LCP2: variants seen among roughly 807,000 people sequenced by gnomAD.
LCP2 encodes lymphocyte cytosolic protein 2, also known as 76 kDa tyrosine phosphoprotein.
Under a neutral mutation model 74.5 loss-of-function variants are expected in LCP2, and 29 were observed. The observed-to-expected ratio is 0.39, with a 90% CI of 0.29 to 0.53. LCP2 has a LOEUF of 0.53. Among genes scored for constraint, LCP2 ranks in the 20% least tolerant of loss-of-function variants. The probability of loss-of-function intolerance (pLI) is 0.72; values close to 1 mark genes in which losing one functional copy is unlikely to be tolerated. For synonymous variants in LCP2, 228 were observed against 229.5 expected, an observed-to-expected ratio of 0.99 and a Z score of 0.06; for missense variants, 604 against 634.6, an observed-to-expected ratio of 0.95 and a Z score of 0.52.
In LCP2 at chr5:170,267,369, C is replaced by T. The variant is rs370393429; in HGVS notation, c.622-294G>A. The T allele has an allele frequency of 6.2e-6, 3 of 486,520 alleles. No individual in the cohort carries two copies. In the East Asian group the frequency reaches 1.1e-4, roughly 18 times the overall value. The allele number at this position is 486,520 out of a possible 1,614,324, so 30.1% of individuals were successfully genotyped here. A position where few individuals can be genotyped will look rare whatever the true frequency, so the allele number is the denominator to read the frequency against. On this transcript the variant is annotated intron_variant, in intron 8 of 20. Transcript: ENST00000046794. ...CTCGTTAATGTCCTGCGAGGCCCTG[C>T]CTGAGCTGGCCCATGTCTGCCCTCT...
chr5:170,279,998 G>A (rs1027578889), intron 3 of LCP2, among the ~76,000 whole-genome samples: 2 of 152,122 alleles, frequency 1.3e-5, no homozygotes, highest in African/African-American at 2.4e-5. Context: ...GGAAGGGGAA[G>A]GGGTATAGAA....
At chr5:170,266,755 A>G in intron 10 of LCP2, 53 bp downstream of exon 10, 2 of 1,462,588 alleles carry the variant, frequency 1.4e-6, no homozygotes, top group South Asian at 2.3e-5. Context: ...TGCAGGAAGC[A>G]CTTTATAACA....
intron 3 of LCP2, among the ~76,000 whole-genome samples, chr5:170,284,329 C>T (rs551481611): frequency 7.0e-4 from 107 of 152,218 alleles, no homozygotes; most frequent in African/African-American, 2.3e-3. Context: ...GTCTTTATTT[C>T]GTCTTCATTT....
intron 10 of LCP2, among the ~76,000 whole-genome samples, chr5:170,263,918 A>C (rs1006255371): frequency 2.6e-5 from 4 of 152,252 alleles, no homozygotes; most frequent in African/African-American, 9.6e-5. Flanking sequence ...AAAGTTGGTC[A>C]TACAAATTGG....
chr5:170,290,325 C>T (rs1439735978), intron 2 of LCP2, among the ~76,000 whole-genome samples: 1 of 152,176 alleles, frequency 6.6e-6, no homozygotes, highest in Non-Finnish European at 1.5e-5. Context: ...CCAATACCCA[C>T]TCTCCCTTTG....
chr5:170,250,958 C>T, intron 19 of LCP2, 73 bp from the exon 20 acceptor site: 2 of 1,238,662 alleles, frequency 1.6e-6, no homozygotes, highest in Admixed American at 2.1e-5. Flanking sequence ...GAGTAGTAGA[C>T]AAGCCTCTAG....
chr5:170,284,810 G>A (rs1762156487), intron 3 of LCP2, among the ~76,000 whole-genome samples: 2 of 150,786 alleles, frequency 1.3e-5, no homozygotes, highest in South Asian at 4.2e-4. Flanking sequence ...GAGTACAGTG[G>A]TGCCATCTCA....
In LCP2 at chr5:170,295,171, C is replaced by G. The variant is rs73800607; in HGVS notation, c.79-1799G>C. Among the ~76,000 whole-genome samples the G allele has an allele frequency of 9.1e-3, 1,393 of 152,326 alleles. 25 individuals are homozygous for G. The highest frequency in any genetic ancestry group is 0.032 in the African/African-American group (1,315 of 41,568). On this transcript the variant is annotated intron_variant, in intron 1 of 20. Coordinates refer to ENST00000046794, the MANE Select transcript of LCP2 (RefSeq NM_005565.5). ...CTCCACTGCACGACCCAAGGATGTT[C>G]TCCTGCAAGTCAAAAGGAATTGGAG...
chr5:170,266,825 C>G lies in LCP2; in HGVS notation c.755G>C (p.Arg252Thr). 1 of 1,613,748 alleles carries G rather than the reference C, an allele frequency of 6.2e-7. No homozygotes were observed. Among genetic ancestry groups the G allele is most frequent in the South Asian group, 1.1e-5 (1 of 91,070 alleles). ...ATACCCACCTAGTGTGAAGGGTTCTCTATCAAACGGAGCTAATGAACGATC... is the reference window on the plus strand; with the variant it reads ...ATACCCACCTAGTGTGAAGGGTTCTGTATCAAACGGAGCTAATGAACGATC... ...PLDRSLAPFD[R>T]EPFTLGKKPP... The change falls in exon 10 of 21, where the codon AGA (arginine) becomes ACA (threonine). Residue 252 changes from arginine (R) to threonine (T), a missense_variant. Transcript: ENST00000046794.
At chr5:170,265,848 G>A (rs1044520153) in intron 10 of LCP2, among the ~76,000 whole-genome samples, 1 of 152,320 alleles carries the variant, frequency 6.6e-6, no homozygotes, top group Non-Finnish European at 1.5e-5. Context: ...TTTCCGTTCA[G>A]TTGCAGAGTT....
At chr5:170,283,879 G>C (rs1471482537) in intron 3 of LCP2, among the ~76,000 whole-genome samples, 1 of 152,118 alleles carries the variant, frequency 6.6e-6, no homozygotes, top group East Asian at 1.9e-4. Flanking sequence ...TTCCTCCCTT[G>C]TCTGCCCTGA....
Position 170,262,738 on chromosome 5 carries a change from G to A in LCP2, c.823C>T (p.Leu275Phe), listed in dbSNP as rs1185605418. Residue 275 changes from leucine (L) to phenylalanine (F), a missense_variant, in exon 13 of 21, where the codon CTC (leucine) becomes TTC (phenylalanine). Leu to Phe is a conservative substitution (Grantham distance 22, BLOSUM62 0). Transcript: ENST00000046794. ...TGAATCTTGGGTAAATGCTCCCCGA[G>A]TGACCTGTGGAGTTCAGGAAAAGGA... ...DKPSIPAGRS[L>F]GEHLPKIQKP... 1 of 1,613,874 alleles carries A rather than the reference G, an allele frequency of 6.2e-7. No individual in the cohort carries two copies. The highest frequency in any genetic ancestry group is 2.2e-5 in the East Asian group (1 of 44,886).
At chr5:170,297,482 A>G in intron 1 of LCP2, 52 bp downstream of exon 1, 1 of 1,506,712 alleles carries the variant, frequency 6.6e-7, no homozygotes, top group Admixed American at 1.8e-5. Flanking sequence ...GCCTCAGCTC[A>G]GCCCACCAAG....
At chr5:170,251,625 TC>T (rs1295851070) in intron 19 of LCP2, 1 of 456,146 alleles carries the variant, frequency 2.2e-6, no homozygotes, top group Admixed American at 2.3e-5. Context: ...ATAATGACTT[TC>T]CTTTGTTCCT....
rs1026220650 is a variant in LCP2, at chr5:170,247,250, C to G, written c.*1447G>C. The G allele has an allele frequency of 6.6e-6, 1 of 152,140 alleles. No homozygotes were observed. Among genetic ancestry groups the G allele is most frequent in the Non-Finnish European group, 1.5e-5 (1 of 68,028 alleles). The allele number at this position is 152,140 out of a possible 1,614,324, so 9.4% of individuals were successfully genotyped here. A position where few individuals can be genotyped will look rare whatever the true frequency, so the allele number is the denominator to read the frequency against. On this transcript the variant is annotated 3_prime_UTR_variant, in exon 21 of 21. Coordinates refer to ENST00000046794, the MANE Select transcript of LCP2 (RefSeq NM_005565.5). ...TGCAGGGTTTTCAGCCTTAAACTCC[C>G]AAGTTTTGGACCCTAAACTGAGAAC...
intron 6 of LCP2, 120 bp downstream of exon 6, chr5:170,274,181 G>T: frequency 9.6e-7 from 1 of 1,045,074 alleles, no homozygotes; most frequent in Non-Finnish European, 1.5e-6. Flanking sequence ...TCTGGGCCCT[G>T]GGTGGGTGTG....
intron 2 of LCP2, 97 bp from the exon 3 acceptor site, chr5:170,288,113 T>A: frequency 7.9e-7 from 1 of 1,266,346 alleles, no homozygotes; most frequent in Non-Finnish European, 1.1e-6. Context: ...TAGGGAGTGG[T>A]GGGGACTGTG....
chr5:170,262,938 C>T (rs1195288903), intron 11 of LCP2, 29 bp downstream of exon 11: 5 of 1,613,934 alleles, frequency 3.1e-6, no homozygotes, highest in Non-Finnish European at 4.2e-6. Flanking sequence ...AACAAACAAA[C>T]ACAACCAAAA....
At position 170,253,223 on chromosome 5, in the gene LCP2, T is replaced by C. The variant is rs766584056; in HGVS notation, c.1151-10A>G. The C allele has an allele frequency of 3.8e-6, 6 of 1,560,118 alleles. No individual in the cohort carries two copies. The highest frequency in any genetic ancestry group is 3.6e-5 in the Admixed American group (2 of 55,394). ...GGTCTGTTGCTAGGGCCTTCAAAAGTATAGAATTCTGACAGTTAATTTACT... is the reference window on the plus strand; with the variant it reads ...GGTCTGTTGCTAGGGCCTTCAAAAGCATAGAATTCTGACAGTTAATTTACT... On this transcript the variant is annotated splice_polypyrimidine_tract_variant and intron_variant, in intron 17 of 20. Coordinates refer to ENST00000046794, the MANE Select transcript of LCP2 (RefSeq NM_005565.5).
Sources: allele counts gnomAD v4.1 joint callset (sites outside exome capture counted in the v4.1 genomes callset), GRCh38; gene constraint gnomAD v4.1.1; transcripts MANE v1.5; gene names NCBI Gene and HGNC (gene_info 2026-07-23, HGNC 2026-07-21).